MTR: variants seen among roughly 807,000 people sequenced by gnomAD.
The protein encoded by MTR is 5-methyltetrahydrofolate-homocysteine methyltransferase, also known as methionine synthase.
A neutral mutation model predicts 154.8 loss-of-function variants in MTR; 84 were observed. The observed-to-expected ratio is 0.54, with a 90% confidence interval of 0.45 to 0.65. The LOEUF is 0.65. MTR is among the 30% of genes least tolerant of loss of function. The probability of loss-of-function intolerance (pLI) is 0.00; values close to 1 mark genes in which losing one functional copy is unlikely to be tolerated. For synonymous variants in MTR, 554 were observed against 553.9 expected (o/e 1.00, Z 0.00); for missense variants, 1,275 against 1,570.2 (o/e 0.81, Z 3.18).
At chr1:236,883,660 T>A (rs1056802800) in intron 25 of MTR, among the ~76,000 whole-genome samples, 1 of 152,182 alleles carries the variant, frequency 6.6e-6, no homozygotes, top group African/African-American at 2.4e-5. Flanking sequence ...GGCTGGGGAA[T>A]ACTTTGTGGT....
intron 11 of MTR, among the ~76,000 whole-genome samples, chr1:236,828,543 GGA>G (rs1662430653): frequency 6.6e-6 from 1 of 152,064 alleles, no homozygotes; most frequent in African/African-American, 2.4e-5. Context: ...TAAATTTAGT[GGA>G]GTAGCCACAT....
chr1:236,875,200 A>C (rs1197191422), intron 24 of MTR, among the ~76,000 whole-genome samples: 1 of 152,218 alleles, frequency 6.6e-6, no homozygotes, highest in Non-Finnish European at 1.5e-5. Flanking sequence ...GCACAAAATC[A>C]TTACTTGAAC....
intron 1 of MTR, among the ~76,000 whole-genome samples, chr1:236,796,184 A>T (rs1221455395): frequency 6.6e-6 from 1 of 152,174 alleles, no homozygotes; most frequent in Non-Finnish European, 1.5e-5. Flanking sequence ...TAAAACTACT[A>T]CATGGAACTT....
chr1:236,846,870 GT>G (rs890415562), intron 15 of MTR, among the ~76,000 whole-genome samples: 4 of 151,286 alleles, frequency 2.6e-5, no homozygotes, highest in Non-Finnish European at 5.9e-5. Context: ...CATCACTTCT[GT>G]TTTTTTTGTT....
intron 11 of MTR, among the ~76,000 whole-genome samples, chr1:236,828,064 A>T (rs1662396226): frequency 6.6e-6 from 1 of 151,704 alleles, no homozygotes; most frequent in Non-Finnish European, 1.5e-5. Context: ...TGCAAGCTCC[A>T]CCTCCCAGGT....
chr1:236,894,328 C>A, intron 29 of MTR, 29 bp from the exon 30 acceptor site: 7 of 1,612,524 alleles, frequency 4.3e-6, no homozygotes, highest in Non-Finnish European at 5.1e-6. Context: ...ACGGCGCCCC[C>A]GCACACTCCT....
In MTR at chr1:236,883,334, C is replaced by T. The variant is rs551388279; in HGVS notation, c.2677-1787C>T. Among the ~76,000 whole-genome samples, 6 of 152,254 alleles carry T rather than the reference C, an allele frequency of 3.9e-5. No individual in the cohort carries two copies. The South Asian group carries it at 1.2e-3, about 32-fold the overall frequency. ...ATGAACTTGTTTCCGTCAAGTAAGT[C>T]AGACTGGGCCAGAAGGGGCCTGCCA... is the stretch of plus-strand genomic sequence containing the variant. On this transcript the variant is annotated intron_variant, in intron 25 of 32. Transcript: ENST00000366577.
At chr1:236,837,951 T>C (rs914709321) in intron 14 of MTR, among the ~76,000 whole-genome samples, 1 of 152,214 alleles carries the variant, frequency 6.6e-6, no homozygotes, top group Admixed American at 6.5e-5. Context: ...AAAACTCTTT[T>C]TTTGTTTTTT....
At chr1:236,890,859 A>C (rs111663975) in intron 28 of MTR, among the ~76,000 whole-genome samples, 5 of 152,296 alleles carry the variant, frequency 3.3e-5, no homozygotes, top group African/African-American at 1.2e-4. Flanking sequence ...TTGGGGAGCC[A>C]CAGCTTTGGC....
rs745837747 is a variant in MTR at position 236,852,641 on chromosome 1, T to C, written c.1812+4T>C. On this transcript the variant is annotated splice_donor_region_variant and intron_variant, in intron 17 of 32. Transcript: ENST00000366577. ...TTTCCTTTACCATGCAATCAAGGTA[T>C]GGTAGAAGAACTCTTAGCCCTGCGG... The C allele has an allele frequency of 3.1e-6, 5 of 1,611,274 alleles. No homozygotes were observed. Among genetic ancestry groups the C allele is most frequent in the South Asian group, 2.2e-5 (2 of 91,038 alleles).
chr1:236,805,842 G>T (rs1660953084), intron 2 of MTR, among the ~76,000 whole-genome samples: 3 of 152,170 alleles, frequency 2.0e-5, no homozygotes, highest in Admixed American at 6.5e-5. Flanking sequence ...GTGAAGTAGG[G>T]TTATAATATA....
At chr1:236,890,119 A>G (rs1440165149) in intron 28 of MTR, among the ~76,000 whole-genome samples, 1 of 152,184 alleles carries the variant, frequency 6.6e-6, no homozygotes, top group Admixed American at 6.5e-5. Context: ...AGAGGAGCCT[A>G]GAAACCAGCC....
chr1:236,829,184 C>T lies in MTR; in HGVS notation c.996-5C>T, dbSNP rs914525473. Reference sequence around the variant, plus strand: ...ATGGATACAATGTTTCCTCTTTCAACTCAGGGAAATTGCTGAAGCTGTGAA... The same window carrying T: ...ATGGATACAATGTTTCCTCTTTCAATTCAGGGAAATTGCTGAAGCTGTGAA... On this transcript the variant is annotated splice_polypyrimidine_tract_variant and splice_region_variant and intron_variant, in intron 11 of 32. Coordinates refer to ENST00000366577, the MANE Select transcript of MTR (RefSeq NM_000254.3). 6 of 1,609,920 alleles carry T rather than the reference C, an allele frequency of 3.7e-6. No homozygotes were observed. The highest frequency in any genetic ancestry group is 4.3e-6 in the Non-Finnish European group (5 of 1,176,332).
chr1:236,880,127 C>T (rs556120875), intron 24 of MTR, among the ~76,000 whole-genome samples: 12 of 152,318 alleles, frequency 7.9e-5, no homozygotes, highest in African/African-American at 2.9e-4. Flanking sequence ...CACCACTGCA[C>T]TCCAGCCTGG....
At chr1:236,818,997 G>A (rs1350797417) in intron 8 of MTR, among the ~76,000 whole-genome samples, 1 of 152,172 alleles carries the variant, frequency 6.6e-6, no homozygotes, top group East Asian at 1.9e-4. Flanking sequence ...TTTTGAAAAT[G>A]GGAGACAGAG....
At chr1:236,845,557 A>T (rs538454033) in intron 15 of MTR, among the ~76,000 whole-genome samples, 1 of 152,220 alleles carries the variant, frequency 6.6e-6, no homozygotes, top group East Asian at 1.9e-4. Context: ...AATTATTCCA[A>T]CAAAAGAATT....
Position 236,889,227 on chromosome 1 carries a change from G to A in MTR, c.2898G>A (p.Leu966=), listed in dbSNP as rs754506885. 14 of 1,614,230 alleles carry A rather than the reference G, an allele frequency of 8.7e-6. 1 individual carries two copies. The South Asian group carries it at 1.1e-4, about 13-fold the overall frequency. ...IGTQVFEDYD[L]QKLVDYIDWK... ...CCCAGGTCTTTGAAGACTATGACCTGCAGAAGCTGGTGGACTACATTGACT... is the reference window on the plus strand; with the variant it reads ...CCCAGGTCTTTGAAGACTATGACCTACAGAAGCTGGTGGACTACATTGACT... Residue 966 remains leucine, a synonymous_variant, in exon 28 of 33, where the codon CTG becomes CTA. Coordinates refer to ENST00000366577, the MANE Select transcript of MTR (RefSeq NM_000254.3).
intron 8 of MTR, chr1:236,820,214 T>C: frequency 1.3e-6 from 1 of 758,256 alleles, no homozygotes; most frequent in Non-Finnish European, 2.4e-6. Flanking sequence ...TGTGAACACT[T>C]GCGGGAGGTC....
At chr1:236,844,123 C>CTA (rs961879719) in intron 15 of MTR, among the ~76,000 whole-genome samples, 1 of 152,038 alleles carries the variant, frequency 6.6e-6, no homozygotes, top group African/African-American at 2.4e-5. Flanking sequence ...AAGGAGCAGC[C>CTA]TGTATGGTAG....
Sources: allele counts gnomAD v4.1 joint callset (sites outside exome capture counted in the v4.1 genomes callset), GRCh38; gene constraint gnomAD v4.1.1; transcripts MANE v1.5; gene names NCBI Gene and HGNC (gene_info 2026-07-23, HGNC 2026-07-21).